Variants in FYN observed in about 807,000 individuals in gnomAD.
FYN encodes tyrosine-protein kinase Fyn.
A neutral mutation model predicts 70.2 loss-of-function variants in FYN; 10 were observed. The observed-to-expected ratio is 0.14, with a 90% CI of 0.09 to 0.24. The LOEUF (loss-of-function observed/expected upper bound fraction) is 0.24. Among genes scored for constraint, FYN ranks in the 10% least tolerant of loss-of-function variants. The pLI is 1.00. For missense variants in FYN, 319 were observed against 673.1 expected (o/e 0.47, Z 5.82); for synonymous variants, 236 against 248.6 (o/e 0.95, Z 0.48).
intron 1 of FYN, among the ~76,000 whole-genome samples, chr6:111,872,282 G>C (rs915374145): frequency 1.3e-5 from 2 of 151,484 alleles, no homozygotes; most frequent in African/African-American, 4.9e-5. Context: ...TGGATCTAGG[G>C]AAGTAGAGAG....
chr6:111,748,652 A>G (rs1802345456), intron 3 of FYN, among the ~76,000 whole-genome samples: 1 of 152,224 alleles, frequency 6.6e-6, no homozygotes, highest in African/African-American at 2.4e-5. Context: ...CTGGTTCAAG[A>G]TGAGATGTAA....
intron 2 of FYN, among the ~76,000 whole-genome samples, chr6:111,805,790 T>G (rs890351784): frequency 4.6e-5 from 7 of 152,180 alleles, no homozygotes; most frequent in Non-Finnish European, 7.4e-5. Flanking sequence ...ACCACTGCTT[T>G]TTCTTTAAAG....
At chr6:111,740,771 C>T (rs1482905457) in intron 3 of FYN, among the ~76,000 whole-genome samples, 1 of 152,164 alleles carries the variant, frequency 6.6e-6, no homozygotes, top group Non-Finnish European at 1.5e-5. Context: ...AAACTTTCCC[C>T]TTTGCCTGAA....
intron 2 of FYN, among the ~76,000 whole-genome samples, chr6:111,836,431 T>A (rs528762538): frequency 9.4e-4 from 143 of 151,914 alleles, no homozygotes; most frequent in African/African-American, 3.1e-3. Context: ...AAAAGAAAAA[T>A]TTTTAAATTA....
In FYN at chr6:111,661,213, T is replaced by C. The variant is rs1797718076; in HGVS notation, c.*526A>G. On this transcript the variant is annotated 3_prime_UTR_variant, in exon 14 of 14. Transcript: ENST00000354650. The surrounding 1 kb of genome is among the most constrained non-coding windows in gnomAD (Gnocchi z 4.0). Reference sequence around the variant, plus strand: ...CACATTAGCACCCACATTGTATATGTACAGGGACATATATATTATATATAT... The same window carrying C: ...CACATTAGCACCCACATTGTATATGCACAGGGACATATATATTATATATAT... 6.6e-6 allele frequency: 1 copy of C among 152,306 alleles called. No homozygotes were observed. Among genetic ancestry groups the C allele is most frequent in the African/African-American group, 2.4e-5 (1 of 41,394 alleles). The allele number at this position is 152,306 out of a possible 1,614,324, so 9.4% of individuals were successfully genotyped here. A position where few individuals can be genotyped will look rare whatever the true frequency, so the allele number is the denominator to read the frequency against.
At chr6:111,699,381 TG>T in intron 9 of FYN, 1 of 936,916 alleles carries the variant, frequency 1.1e-6, no homozygotes, top group Non-Finnish European at 1.6e-6. Flanking sequence ...TCTGAAAATC[TG>T]GATGGCCTGT....
chr6:111,786,796 T>C (rs1036856813), intron 2 of FYN, among the ~76,000 whole-genome samples: 7 of 152,270 alleles, frequency 4.6e-5, no homozygotes, highest in Non-Finnish European at 8.8e-5. Flanking sequence ...GGTTTTGATT[T>C]GCATTTCTCT....
intron 1 of FYN, among the ~76,000 whole-genome samples, chr6:111,847,508 TTTGAG>T (rs1447606871): frequency 6.6e-6 from 1 of 152,242 alleles, no homozygotes; most frequent in African/African-American, 2.4e-5. Context: ...GGCAGAGAGC[TTTGAG>T]TTAAGAAATA....
rs544666657 is a variant in FYN at position 111,810,757 on chromosome 6, A to G, written c.-81-30122T>C. 4.6e-3 allele frequency among the ~76,000 whole-genome samples: 703 copies of G among 152,264 alleles called. 8 individuals are homozygous for G. The highest frequency in any genetic ancestry group is 0.014 in the Middle Eastern group (4 of 294). ...CCCCGAAAACCCACCCTGTGGGTGG[A>G]GCAGAAATGAATGCTGCCTGGGGCC... On this transcript the variant is annotated intron_variant, in intron 2 of 13. Transcript: ENST00000354650.
chr6:111,856,471 TG>T (rs1173826676), intron 1 of FYN, among the ~76,000 whole-genome samples: 2 of 152,160 alleles, frequency 1.3e-5, no homozygotes, highest in African/African-American at 2.4e-5. Flanking sequence ...AGTTGACTAA[TG>T]GGAGTGAAAA....
In FYN at chr6:111,702,896, T is replaced by A. The variant is rs1799905408; in HGVS notation, c.686A>T (p.Gln229Leu). 6.2e-7 allele frequency: 1 copy of A among 1,613,928 alleles called. No individual in the cohort carries two copies. The highest frequency in any genetic ancestry group is 8.5e-7 in the Non-Finnish European group (1 of 1,179,972). ...AGAATTAAGGTTACCTGAGTAATGT[T>A]GTACAAGCTGCTGAAGTGTTTCAAA... ...AQFETLQQLV[Q>L]HYSERAAGLC... The change falls in exon 8 of 14, where the codon CAA becomes CTA. Residue 229 changes from glutamine to leucine, a missense_variant. Around this residue, in one of 4 missense-constraint regions of FYN, gnomAD observed 112 missense variants for 250.2 expected, o/e 0.45. Coordinates refer to ENST00000354650, the MANE Select transcript of FYN (RefSeq NM_002037.5).
chr6:111,708,386 T>G (rs966450671), intron 5 of FYN, among the ~76,000 whole-genome samples: 1 of 152,164 alleles, frequency 6.6e-6, no homozygotes, highest in African/African-American at 2.4e-5. Flanking sequence ...CTGCAGATCA[T>G]CTGGGAAGGG....
In FYN at chr6:111,660,750, A is replaced by G. The variant is rs1289598347; in HGVS notation, c.*989T>C. 6.6e-6 allele frequency: 1 copy of G among 152,202 alleles called. No individual in the cohort carries two copies. The highest frequency in any genetic ancestry group is 1.5e-5 in the Non-Finnish European group (1 of 68,046). 9.4% of individuals were successfully genotyped at this position (152,202 alleles called of 1,614,324 possible). A position where few individuals can be genotyped will look rare whatever the true frequency, so the allele number is the denominator to read the frequency against. On this transcript the variant is annotated 3_prime_UTR_variant, in exon 14 of 14. Coordinates refer to ENST00000354650, the MANE Select transcript of FYN (RefSeq NM_002037.5). ...AAGTTTAGCGGGTTGCCATGACTAC[A>G]ATGCTATGGGTTTTAGATCACTTAA...
rs561637650 is a variant in FYN at position 111,680,682 on chromosome 6, T to C, written c.1274-6052A>G. Among the ~76,000 whole-genome samples the C allele has an allele frequency of 2.6e-5, 4 of 152,350 alleles. No homozygotes were observed. The South Asian group carries it at 8.3e-4, about 32-fold the overall frequency. On this transcript the variant is annotated intron_variant, in intron 12 of 13. Coordinates refer to ENST00000354650, the MANE Select transcript of FYN (RefSeq NM_002037.5). Reference sequence around the variant, plus strand: ...CAGCAATTAGCAATTGGGTAGATGATGCTTCCATTGTCACTTCTGTCATGT... The same window carrying C: ...CAGCAATTAGCAATTGGGTAGATGACGCTTCCATTGTCACTTCTGTCATGT...
chr6:111,802,925 AT>A (rs1366162795), intron 2 of FYN, among the ~76,000 whole-genome samples: 1 of 152,222 alleles, frequency 6.6e-6, no homozygotes, highest in Non-Finnish European at 1.5e-5. Flanking sequence ...AAAGTCCTAG[AT>A]TTCTCAATCA....
At position 111,661,969 on chromosome 6, in the gene FYN, G is replaced by C; in HGVS notation, c.1406-22C>G. 6.3e-7 allele frequency: 1 copy of C among 1,576,986 alleles called. No homozygotes were observed. Among genetic ancestry groups the C allele is most frequent in the Non-Finnish European group, 8.6e-7 (1 of 1,159,210 alleles). On this transcript the variant is annotated intron_variant, in intron 13 of 13. Transcript: ENST00000354650. This position sits in a 1 kb window ranked among gnomAD's most constrained non-coding sequence, Gnocchi z 4.0. ...ATGCCTGCAAAGACAAGCGCAGTGA[G>C]AGTGGGCACCCCGGGGATCCAGGCC...
At chr6:111,844,883 A>G (rs1773474484) in intron 2 of FYN, 1 of 152,268 alleles carries the variant, frequency 6.6e-6, no homozygotes, top group Non-Finnish European at 1.5e-5. Flanking sequence ...GTGTTTTTCA[A>G]TTTAAAAGCG....
At chr6:111,683,334 G>A (rs1408539844) in intron 12 of FYN, among the ~76,000 whole-genome samples, 2 of 152,252 alleles carry the variant, frequency 1.3e-5, no homozygotes, top group East Asian at 1.9e-4. Flanking sequence ...GGAGGGTCAC[G>A]GCAGGGGCCA....
chr6:111,686,463 ACT>A (rs939346189), intron 12 of FYN, among the ~76,000 whole-genome samples: 8 of 151,720 alleles, frequency 5.3e-5, no homozygotes, highest in African/African-American at 1.9e-4. Context: ...AGGATGATAG[ACT>A]CTCAATGTGG....
Sources: allele counts gnomAD v4.1 joint callset (sites outside exome capture counted in the v4.1 genomes callset), GRCh38; gene constraint gnomAD v4.1.1; regional missense constraint gnomAD v4.1.1; non-coding constraint Gnocchi (gnomAD v3.1); transcripts MANE v1.5; gene names NCBI Gene and HGNC (gene_info 2026-07-23, HGNC 2026-07-21).